The following WWP1 variants were observed in gnomAD, a reference collection of about 807,000 sequenced individuals.
WWP1 encodes WW domain containing E3 ubiquitin protein ligase 1.
A neutral mutation model predicts 130.6 loss-of-function variants in WWP1; 49 were observed. That is an observed-to-expected ratio of 0.38 (90% CI 0.30 to 0.48). The LOEUF is 0.48. Among genes scored for constraint, WWP1 ranks in the 20% least tolerant of loss-of-function variants. WWP1 has a pLI of 0.99. For missense variants in WWP1, 809 were observed against 1,100.6 expected, an observed-to-expected ratio of 0.74 and a Z score of 3.75; for synonymous variants, 332 against 367.8, an observed-to-expected ratio of 0.90 and a Z score of 1.11.
At chr8:86,411,161 A>C (rs1010806937) in intron 8 of WWP1, among the ~76,000 whole-genome samples, 1 of 152,194 alleles carries the variant, frequency 6.6e-6, no homozygotes, top group Admixed American at 6.5e-5. Context: ...TACCACTTAC[A>C]CAAGGGAAGG....
At chr8:86,382,657 C>T (rs1024274450) in intron 5 of WWP1, among the ~76,000 whole-genome samples, 2 of 152,134 alleles carry the variant, frequency 1.3e-5, no homozygotes, top group Admixed American at 1.3e-4. Flanking sequence ...CAAGATTGCA[C>T]CACTGCACTC....
At chr8:86,390,101 G>T (rs1260499030) in intron 5 of WWP1, among the ~76,000 whole-genome samples, 1 of 151,596 alleles carries the variant, frequency 6.6e-6, no homozygotes, top group Admixed American at 6.6e-5. Flanking sequence ...CAGACGGAGC[G>T]GCGGGGCAGA....
chr8:86,367,615 C>T (rs1242450592), intron 1 of WWP1, among the ~76,000 whole-genome samples: 1 of 152,184 alleles, frequency 6.6e-6, no homozygotes, highest in Non-Finnish European at 1.5e-5. Flanking sequence ...AAGGGTTGGA[C>T]TAACATAATC....
chr8:86,434,127 A>G (rs1005070482), intron 14 of WWP1, among the ~76,000 whole-genome samples: 33 of 152,030 alleles, frequency 2.2e-4, no homozygotes, highest in Admixed American at 2.2e-3. Context: ...TTCTTCCCAC[A>G]CCTTGTACAA....
intron 1 of WWP1, among the ~76,000 whole-genome samples, chr8:86,351,920 A>T (rs1822953500): frequency 1.3e-5 from 2 of 152,130 alleles, no homozygotes. Flanking sequence ...TTTTGCAAAT[A>T]TCTCAAGAGA....
In WWP1 at chr8:86,460,954, C is replaced by T. The variant is rs551792733; in HGVS notation, c.2500-270C>T. ...CCTCTCGAGTAGCTGGGACTACAGG[C>T]GCCCGACACCACGCCCGGCTAATTT... On this transcript the variant is annotated intron_variant, in intron 22 of 24. Transcript: ENST00000517970. 2.6e-4 allele frequency among the ~76,000 whole-genome samples: 39 copies of T among 151,470 alleles called. No individual in the cohort carries two copies. In the South Asian group the frequency reaches 4.8e-3, roughly 19 times the overall value.
rs540101804 is a variant in WWP1, at chr8:86,430,092, G to A, written c.1333-605G>A. Among the ~76,000 whole-genome samples the A allele has an allele frequency of 7.2e-5, 11 of 152,080 alleles. No individual in the cohort carries two copies. In the East Asian group the frequency reaches 1.7e-3, roughly 24 times the overall value. On this transcript the variant is annotated intron_variant, in intron 11 of 24. Transcript: ENST00000517970. Reference sequence around the variant, plus strand: ...CGCATATCTGTAGTCCTAGCTACTCGGTTGTTGCTGAGGTGGGAGGATTGC... The same window carrying A: ...CGCATATCTGTAGTCCTAGCTACTCAGTTGTTGCTGAGGTGGGAGGATTGC...
At chr8:86,397,559 T>C (rs527662459) in intron 5 of WWP1, among the ~76,000 whole-genome samples, 1 of 152,198 alleles carries the variant, frequency 6.6e-6, no homozygotes, top group Non-Finnish European at 1.5e-5. Flanking sequence ...TCCTTCTAAC[T>C]GAAGCTGTGT....
At chr8:86,437,128 G>A (rs758738071) in intron 16 of WWP1, among the ~76,000 whole-genome samples, 1 of 152,148 alleles carries the variant, frequency 6.6e-6, no homozygotes. Context: ...CTGAGCCCAC[G>A]ACTGCCTCCA....
chr8:86,427,836 G>A lies in WWP1; in HGVS notation c.1332+19G>A. ...CTATTCGGTAATTAGCAAATTGTAA[G>A]ATGTTAACATAACTTCCTCCCTCAG... On this transcript the variant is annotated intron_variant, in intron 11 of 24. Coordinates refer to ENST00000517970, the MANE Select transcript of WWP1 (RefSeq NM_007013.4). 1 of 1,582,460 alleles carries A rather than the reference G, an allele frequency of 6.3e-7. No homozygotes were observed.
intron 3 of WWP1, among the ~76,000 whole-genome samples, chr8:86,378,989 G>A (rs1364596048): frequency 1.3e-5 from 2 of 152,188 alleles, no homozygotes; most frequent in Non-Finnish European, 2.9e-5. Context: ...TTGACTTACT[G>A]TGGTCAGGCT....
intron 8 of WWP1, among the ~76,000 whole-genome samples, chr8:86,408,011 T>C (rs1343920372): frequency 1.3e-5 from 2 of 152,232 alleles, no homozygotes; most frequent in Non-Finnish European, 2.9e-5. Context: ...CATTACAGTA[T>C]CATACAGAAT....
At chr8:86,405,111 A>T (rs576141141) in intron 8 of WWP1, 2 of 152,194 alleles carry the variant, frequency 1.3e-5, no homozygotes, top group Non-Finnish European at 2.9e-5. Flanking sequence ...TTAATAAAGG[A>T]TGAATTCAGG....
At chr8:86,374,166 T>G (rs768123692) in intron 3 of WWP1, 46 bp downstream of exon 3, 13 of 1,443,856 alleles carry the variant, frequency 9.0e-6, no homozygotes, top group Non-Finnish European at 1.1e-5. Context: ...GATGAACTTT[T>G]CTTTTGAATA....
chr8:86,427,607 G>T (rs756130115), intron 10 of WWP1, 36 bp from the exon 11 acceptor site: 1 of 1,509,804 alleles, frequency 6.6e-7, no homozygotes. Context: ...TTCTTATATT[G>T]AGAGATTATT....
chr8:86,388,609 T>C (rs1825428257), intron 5 of WWP1, among the ~76,000 whole-genome samples: 1 of 152,222 alleles, frequency 6.6e-6, no homozygotes, highest in East Asian at 1.9e-4. Flanking sequence ...GTCTGTGTTC[T>C]GGTTTTGATT....
At chr8:86,390,443 G>A (rs531722095) in intron 5 of WWP1, among the ~76,000 whole-genome samples, 4 of 152,282 alleles carry the variant, frequency 2.6e-5, no homozygotes, top group East Asian at 1.9e-4. Flanking sequence ...CTGCAATCCC[G>A]GCACTTCGGG....
intron 17 of WWP1, 84 bp downstream of exon 17, chr8:86,438,757 A>T (rs557080262): frequency 5.2e-5 from 60 of 1,145,062 alleles, no homozygotes; most frequent in Non-Finnish European, 6.7e-5. Context: ...ATATGTGAAT[A>T]TATTGTATTA....
At chr8:86,349,784 C>CAAA (rs1822811645) in intron 1 of WWP1, among the ~76,000 whole-genome samples, 1 of 151,662 alleles carries the variant, frequency 6.6e-6, no homozygotes, top group African/African-American at 2.4e-5. Context: ...TGGGATCTAA[C>CAAA]AAAGTACAGG....
Sources: gnomAD v4.1 joint callset for allele counts (sites outside exome capture counted in the v4.1 genomes callset) on GRCh38, gnomAD v4.1.1 for gene constraint, MANE v1.5 for transcripts, NCBI Gene and HGNC (gene_info 2026-07-23, HGNC 2026-07-21) for gene names.